VOPP1: variants seen among roughly 807,000 people sequenced by gnomAD.
VOPP1 encodes the protein WW domain binding protein VOPP1.
VOPP1 carries 8 observed loss-of-function variants against 23.5 expected under a neutral mutation model. The ratio of observed to expected loss-of-function variants is 0.34; its 90% CI spans 0.20 to 0.61. VOPP1 has a LOEUF of 0.61. Among genes scored for constraint, VOPP1 ranks in the 20% least tolerant of loss-of-function variants. The pLI is 0.78. For synonymous variants in VOPP1, 83 were observed against 97.3 expected (o/e 0.85, Z 0.86); for missense variants, 174 against 238.1 (o/e 0.73, Z 1.77).
chr7:55,569,077 A>T (rs1303998251), intron 1 of VOPP1, among the ~76,000 whole-genome samples: 1 of 152,234 alleles, frequency 6.6e-6, no homozygotes, highest in Non-Finnish European at 1.5e-5. Flanking sequence ...GGAGAGGGAG[A>T]TAAAATCAGG....
intron 2 of VOPP1, among the ~76,000 whole-genome samples, chr7:55,503,026 C>T (rs1467991035): frequency 6.6e-6 from 1 of 152,188 alleles, no homozygotes; most frequent in East Asian, 1.9e-4. Context: ...TCACGTATAG[C>T]AGCAGACATG....
intron 4 of VOPP1, among the ~76,000 whole-genome samples, chr7:55,455,884 T>C (rs1314915101): frequency 1.3e-5 from 2 of 152,140 alleles, no homozygotes; most frequent in South Asian, 2.1e-4. Flanking sequence ...ATTCAGGACA[T>C]AGGCATGGGC....
chr7:55,529,363 TCAAAAAAA>T (rs1562959445), intron 1 of VOPP1, among the ~76,000 whole-genome samples: 1 of 27,570 alleles, frequency 3.6e-5, no homozygotes, highest in African/African-American at 1.3e-4. Flanking sequence ...AGATTCCGTC[TCAAAAAAA>T]AAAAAAAAAA....
intron 1 of VOPP1, among the ~76,000 whole-genome samples, chr7:55,530,618 G>A (rs938790498): frequency 2.6e-5 from 4 of 152,180 alleles, no homozygotes; most frequent in Non-Finnish European, 1.5e-5. Context: ...TCTACAAGCT[G>A]AAGTTTTCTG....
At chr7:55,493,448 TA>T in intron 3 of VOPP1, among the ~76,000 whole-genome samples, 1 of 152,374 alleles carries the variant, frequency 6.6e-6, no homozygotes, top group African/African-American at 2.4e-5. Context: ...GAGCGTACGA[TA>T]AAGCCTTTGA....
intron 1 of VOPP1, among the ~76,000 whole-genome samples, chr7:55,561,697 G>GA (rs10548276): frequency 2.1e-5 from 2 of 93,808 alleles, no homozygotes; most frequent in African/African-American, 8.4e-5. Flanking sequence ...ACTCTGTCTG[G>GA]AAAAAAAAAA....
intron 1 of VOPP1, 25 bp from the exon 2 acceptor site, chr7:55,521,155 T>C (rs370765826): frequency 5.1e-6 from 8 of 1,560,590 alleles, no homozygotes; most frequent in Non-Finnish European, 6.9e-6. Flanking sequence ...AAGAAAAAGT[T>C]TGTCAGTACT....
chr7:55,570,909 T>A (rs945312638), intron 1 of VOPP1, among the ~76,000 whole-genome samples: 1 of 151,848 alleles, frequency 6.6e-6, no homozygotes, highest in African/African-American at 2.4e-5. Context: ...GCCACAGCAC[T>A]CAAGCCTGGG....
downstream of VOPP1, among the ~76,000 whole-genome samples, chr7:55,469,004 T>C (rs1791707057): frequency 3.9e-5 from 6 of 152,156 alleles, no homozygotes; most frequent in Admixed American, 3.9e-4. Flanking sequence ...GTACACTAGT[T>C]TTTTCTTTTA....
chr7:55,536,681 G>A (rs61170319), intron 1 of VOPP1, among the ~76,000 whole-genome samples: 244 of 152,286 alleles, frequency 1.6e-3, no homozygotes, highest in African/African-American at 5.2e-3. Flanking sequence ...CACATGGCAC[G>A]TGGCAGGACT....
intron 4 of VOPP1, among the ~76,000 whole-genome samples, chr7:55,447,903 T>C (rs1178348551): frequency 6.6e-6 from 1 of 152,140 alleles, no homozygotes; most frequent in Non-Finnish European, 1.5e-5. Flanking sequence ...TCCCTTCAAA[T>C]TGGCAATTAT....
chr7:55,565,643 A>G (rs1005971016), intron 1 of VOPP1, among the ~76,000 whole-genome samples: 1 of 152,234 alleles, frequency 6.6e-6, no homozygotes, highest in Non-Finnish European at 1.5e-5. Flanking sequence ...AAAAAATAAT[A>G]AACAGCTCTA....
chr7:55,437,954 G>A (rs1424722347), intron 4 of VOPP1, among the ~76,000 whole-genome samples: 2 of 151,444 alleles, frequency 1.3e-5, no homozygotes, highest in East Asian at 3.9e-4. Flanking sequence ...GAGTACAGTG[G>A]CACGATCTCA....
rs201714906 is a variant in VOPP1, at chr7:55,532,660, TG to T, written c.55-11531del. Among the ~76,000 whole-genome samples the T allele has an allele frequency of 9.5e-3, 1,295 of 136,538 alleles. 19 individuals carry two copies. The highest frequency in any genetic ancestry group is 0.035 in the African/African-American group (1,241 of 35,954). The allele number at this position is 136,538 out of a possible 152,430, so 89.6% of individuals were successfully genotyped here. A position where few individuals can be genotyped will look rare whatever the true frequency, so the allele number is the denominator to read the frequency against. ...CCAGCTTGGAAATGATACCCTGGTG[TG>T]GAAAAATACAGCTCAAAGCAATCTG... On this transcript the variant is annotated intron_variant, in intron 1 of 4. Transcript: ENST00000285279.
chr7:55,512,612 C>T (rs1412569584), intron 2 of VOPP1, among the ~76,000 whole-genome samples: 1 of 152,230 alleles, frequency 6.6e-6, no homozygotes, highest in Non-Finnish European at 1.5e-5. Context: ...TATCTGCCCC[C>T]TCCAGGCTGC....
At chr7:55,561,627 G>A (rs1156356100) in intron 1 of VOPP1, among the ~76,000 whole-genome samples, 4 of 150,506 alleles carry the variant, frequency 2.7e-5, no homozygotes, top group Non-Finnish European at 5.9e-5. Context: ...AGAGGGGGAG[G>A]CGGAGGTTGC....
intron 4 of VOPP1, among the ~76,000 whole-genome samples, chr7:55,446,167 G>A (rs890759500): frequency 2.0e-5 from 3 of 151,968 alleles, no homozygotes; most frequent in African/African-American, 4.8e-5. Flanking sequence ...TAATTTTTTT[G>A]TATTTTTAGT....
At position 55,470,852 on chromosome 7, in the gene VOPP1, G is replaced by A. The variant is rs1403770093; in HGVS notation, c.*2003C>T. The A allele has an allele frequency of 6.6e-6, 1 of 152,014 alleles. No individual in the cohort carries two copies. The highest frequency in any genetic ancestry group is 1.9e-4 in the East Asian group (1 of 5,156). The allele number at this position is 152,014 out of a possible 1,614,324, so 9.4% of individuals were successfully genotyped here. On this transcript the variant is annotated 3_prime_UTR_variant, in exon 5 of 5. Transcript: ENST00000285279. Reference sequence around the variant, plus strand: ...AATGGCCAGGAAATGTCACCGAAGTGGGACTTCCATATGCAGGATCAGCGT... The same window carrying A: ...AATGGCCAGGAAATGTCACCGAAGTAGGACTTCCATATGCAGGATCAGCGT...
intron 4 of VOPP1, among the ~76,000 whole-genome samples, chr7:55,446,900 C>T (rs1791113760): frequency 6.6e-6 from 1 of 152,210 alleles, no homozygotes; most frequent in African/African-American, 2.4e-5. Context: ...CTCACTGCTT[C>T]AGAAGTTCAG....
Sources: gnomAD v4.1 joint callset for allele counts (sites outside exome capture counted in the v4.1 genomes callset) on GRCh38, gnomAD v4.1.1 for gene constraint, MANE v1.5 for transcripts, NCBI Gene and HGNC (gene_info 2026-07-23, HGNC 2026-07-21) for gene names.